The following PRKAG3 variants were observed in gnomAD, a reference collection of about 807,000 sequenced individuals.
PRKAG3 encodes 5'-AMP-activated protein kinase subunit gamma-3.
PRKAG3 carries 39 observed loss-of-function variants against 56.5 expected under a neutral mutation model. That is an observed-to-expected ratio of 0.69 (90% CI 0.53 to 0.90). PRKAG3 has a LOEUF of 0.90. Ranked by LOEUF, PRKAG3 falls within the 40% of genes least tolerant of loss-of-function variation. The pLI, the probability that PRKAG3 is intolerant of heterozygous loss-of-function variation, is 0.00. For missense variants in PRKAG3, 628 were observed against 627.5 expected (o/e 1.00, Z -0.01); for synonymous variants, 243 against 250.1 (o/e 0.97, Z 0.27).
At chr2:218,823,208 T>C (rs1169963134), downstream of PRKAG3, 1 of 322,282 alleles carries the variant, frequency 3.1e-6, no homozygotes, top group African/African-American at 2.3e-5. Flanking sequence ...AGCAAACGTG[T>C]GACCAGGAAA....
At chr2:218,823,589 G>A in exon 13 of PRKAG3, 1 of 1,421,626 alleles carries the variant, frequency 7.0e-7, no homozygotes, top group African/African-American at 1.4e-5. Flanking sequence ...CCCAATCTGA[G>A]ATCCAGGAAA....
intron 10 of PRKAG3, 30 bp from the exon 11 acceptor site, chr2:218,824,606 G>A: frequency 6.3e-7 from 1 of 1,587,698 alleles, no homozygotes; most frequent in Non-Finnish European, 8.6e-7. Flanking sequence ...GGGGTGGGGG[G>A]AGAAAGACAG....
chr2:218,824,023 G>T, intron 12 of PRKAG3, 145 bp from the exon 13 acceptor site: 1 of 1,192,916 alleles, frequency 8.4e-7, no homozygotes, highest in Non-Finnish European at 1.2e-6. Flanking sequence ...GGTGTGACCG[G>T]CCTAAGGTGA....
At chr2:218,830,115 G>C (rs1286545138) in exon 4 of PRKAG3, 28 of 1,612,918 alleles carry the variant, frequency 1.7e-5, no homozygotes, top group Non-Finnish European at 2.3e-5. Context: ...TTGGGAAATG[G>C]GGCCTGCGGG....
intron 1 of PRKAG3, 139 bp downstream of exon 1, chr2:218,831,598 TG>T (rs1376189552): frequency 3.1e-5 from 37 of 1,181,866 alleles, no homozygotes; most frequent in Non-Finnish European, 4.0e-5. Flanking sequence ...TGCCCAAACA[TG>T]CACATGCCCA....
rs147431919 is a variant in PRKAG3 at position 218,828,024 on chromosome 2, G to A, written c.754C>T (p.Arg252Cys). 1.2e-4 allele frequency: 196 copies of A among 1,569,580 alleles called. 2 individuals are homozygous for A. The East Asian group carries it at 4.4e-3, about 35-fold the overall frequency. ...CTCACCAGGGGGGACCTGTAGTAGC[G>A]ATGCAGCACCAGGATGAAGTCAGTG... The change falls in exon 6 of 13, where the codon CGC (arginine) becomes TGC (cysteine). Residue 252 changes from arginine (R) to cysteine (C), a missense_variant. Arg to Cys is a radical substitution (Grantham distance 180). Transcript: ENST00000529249.
chr2:218,829,883 C>G lies in PRKAG3; in HGVS notation c.633+95G>C. 2.0e-6 allele frequency: 3 copies of G among 1,519,006 alleles called. No individual in the cohort carries two copies. In the Admixed American group the frequency reaches 5.5e-5, roughly 28 times the overall value. The allele number at this position is 1,519,006 out of a possible 1,614,324, so 94.1% of individuals were successfully genotyped here. Reference sequence around the variant, plus strand: ...TCCTTTCAGGGGGCTTGCAGGGGCACCTGGCTCAGCAGGGCATCCTGCAGG... The same window carrying G: ...TCCTTTCAGGGGGCTTGCAGGGGCAGCTGGCTCAGCAGGGCATCCTGCAGG... On this transcript the variant is annotated intron_variant, in intron 4 of 12. Coordinates refer to ENST00000529249, the Ensembl canonical transcript of PRKAG3.
chr2:218,831,193 G>A, intron 2 of PRKAG3, 143 bp downstream of exon 2: 1 of 728,914 alleles, frequency 1.4e-6, no homozygotes. Flanking sequence ...ACACACCTGG[G>A]GAAAGGAGGA....
At position 218,826,818 on chromosome 2, in the gene PRKAG3, C is replaced by G. The variant is rs886867042; in HGVS notation, c.1168+110G>C. On this transcript the variant is annotated intron_variant, in intron 10 of 12. Coordinates refer to ENST00000529249, the Ensembl canonical transcript of PRKAG3. ...GGAGACTTCTAATCCCCAGTCCATC[C>G]TGTACCCCCCACAGGGATGGCATGA... The G allele has an allele frequency of 7.8e-5, 112 of 1,443,574 alleles. No homozygotes were observed. In the Admixed American group the frequency reaches 1.9e-3, roughly 25 times the overall value. 89.4% of individuals were successfully genotyped at this position (1,443,574 alleles called of 1,614,324 possible).
intron 10 of PRKAG3, among the ~76,000 whole-genome samples, chr2:218,826,253 G>GT (rs1004167561): frequency 6.6e-6 from 1 of 152,106 alleles, no homozygotes; most frequent in Non-Finnish European, 1.5e-5. Flanking sequence ...TACATTTGAA[G>GT]TTTTTTATAA....
intron 5 of PRKAG3, 125 bp from the exon 6 acceptor site, chr2:218,828,187 G>C: frequency 1.0e-6 from 1 of 961,648 alleles, no homozygotes; most frequent in Non-Finnish European, 1.6e-6. Flanking sequence ...TGTGGGAACA[G>C]GACAGTGGGG....
rs780633538 is a variant in PRKAG3, at chr2:218,826,910, C to T, written c.1168+18G>A. 2 of 1,613,802 alleles carry T rather than the reference C, an allele frequency of 1.2e-6. No homozygotes were observed. Among genetic ancestry groups the T allele is most frequent in the African/African-American group, 1.3e-5 (1 of 74,928 alleles). On this transcript the variant is annotated intron_variant, in intron 10 of 12. Coordinates refer to ENST00000529249, the Ensembl canonical transcript of PRKAG3. ...AGGCCCCAGCCCAGCCCGAGCCTCT[C>T]ATCCTGGGGGTGGGTACCACATTCG...
chr2:218,824,517 C>T (rs541406404), intron 11 of PRKAG3, 22 bp downstream of exon 11: 1 of 1,610,358 alleles, frequency 6.2e-7, no homozygotes, highest in South Asian at 1.1e-5. Context: ...CTGCAGCATC[C>T]CACCTTTCCA....
Position 218,827,749 on chromosome 2 carries a change from A to C in PRKAG3, c.820+84T>G. On this transcript the variant is annotated intron_variant, in intron 7 of 12. Coordinates refer to ENST00000529249, the Ensembl canonical transcript of PRKAG3. This position sits in a 1 kb window ranked among gnomAD's most constrained non-coding sequence, Gnocchi z 5.3. ...CTATTGTCCCTCCCCTGTTCACTCCAGGACATCCCCACTGCCCATCCTCCA... is the reference window on the plus strand; with the variant it reads ...CTATTGTCCCTCCCCTGTTCACTCCCGGACATCCCCACTGCCCATCCTCCA... 6.4e-7 allele frequency: 1 copy of C among 1,564,990 alleles called. No individual in the cohort carries two copies.
chr2:218,830,103 G>T (rs1201815093), exon 4 of PRKAG3: 2 of 1,613,016 alleles, frequency 1.2e-6, no homozygotes, highest in Non-Finnish European at 1.7e-6. Flanking sequence ...TCCCAGCCCA[G>T]CTTGGGAAAT....
At chr2:218,826,048 C>T (rs571206071) in intron 10 of PRKAG3, among the ~76,000 whole-genome samples, 5 of 152,182 alleles carry the variant, frequency 3.3e-5, no homozygotes, top group African/African-American at 7.2e-5. Context: ...CATGAGCCAC[C>T]GCCCCTGGCC....
intron 12 of PRKAG3, 48 bp from the exon 13 acceptor site, chr2:218,823,926 G>T: frequency 6.4e-7 from 1 of 1,557,978 alleles, no homozygotes; most frequent in African/African-American, 1.4e-5. Flanking sequence ...TGGGGCTACA[G>T]CAGCTACTGA....
exon 4 of PRKAG3, chr2:218,830,064 T>A (rs1308855624): frequency 6.2e-7 from 1 of 1,613,882 alleles, no homozygotes; most frequent in Admixed American, 1.7e-5. Context: ...CGCATGTAGA[T>A]CTGGGCGCCG....
chr2:218,831,067 C>T (rs1467402551), intron 2 of PRKAG3, among the ~76,000 whole-genome samples, 166 bp from the exon 3 acceptor site: 2 of 152,190 alleles, frequency 1.3e-5, no homozygotes, highest in Non-Finnish European at 2.9e-5. Context: ...TTATTATCAT[C>T]CCTATTTTGC....
Sources: allele counts gnomAD v4.1 joint callset (sites outside exome capture counted in the v4.1 genomes callset), GRCh38; gene constraint gnomAD v4.1.1; non-coding constraint Gnocchi (gnomAD v3.1); transcripts MANE v1.5; gene names NCBI Gene and HGNC (gene_info 2026-07-23, HGNC 2026-07-21).